FNDC3A: variants seen among roughly 807,000 people sequenced by gnomAD.
FNDC3A encodes fibronectin type III domain containing 3A, also known as fibronectin type-III domain-containing protein 3A.
A neutral mutation model predicts 148.9 loss-of-function variants in FNDC3A; 32 were observed. The ratio of observed to expected loss-of-function variants is 0.21; its 90% confidence interval spans 0.16 to 0.29. FNDC3A has a LOEUF of 0.29. FNDC3A is among the 10% of genes least tolerant of loss of function. The pLI, the probability that FNDC3A is intolerant of heterozygous loss-of-function variation, is 1.00. For synonymous variants in FNDC3A, 472 were observed against 473.6 expected, an observed-to-expected ratio of 1.00 and a Z score of 0.04; for missense variants, 1,191 against 1,452.8, an observed-to-expected ratio of 0.82 and a Z score of 2.93.
At chr13:48,977,890 G>A (rs1445768732) in intron 1 of FNDC3A, among the ~76,000 whole-genome samples, 2 of 151,722 alleles carry the variant, frequency 1.3e-5, no homozygotes, top group East Asian at 1.9e-4. Context: ...AGGTTAACTG[G>A]AAAATTTTTT....
intron 3 of FNDC3A, among the ~76,000 whole-genome samples, chr13:49,089,884 A>C (rs1247604432): frequency 6.6e-6 from 1 of 152,184 alleles, no homozygotes; most frequent in Non-Finnish European, 1.5e-5. Flanking sequence ...TAAGACAAAT[A>C]ATATGAACTT....
At chr13:49,058,870 G>A (rs1265162376) in intron 2 of FNDC3A, among the ~76,000 whole-genome samples, 1 of 152,046 alleles carries the variant, frequency 6.6e-6, no homozygotes, top group African/African-American at 2.4e-5. Context: ...CTTCTAATTG[G>A]TAGCTTTGCT....
intron 3 of FNDC3A, among the ~76,000 whole-genome samples, chr13:49,082,638 G>T (rs1273799073): frequency 6.6e-6 from 1 of 152,002 alleles, no homozygotes; most frequent in Non-Finnish European, 1.5e-5. Flanking sequence ...GTGCACTAGT[G>T]GGAATGGGAG....
intron 3 of FNDC3A, among the ~76,000 whole-genome samples, chr13:49,099,764 T>C (rs754588517): frequency 1.3e-4 from 20 of 152,120 alleles, no homozygotes; most frequent in Admixed American, 1.0e-3. Context: ...TACTTAATAT[T>C]GTAAAAATAT....
At chr13:49,052,793 G>A (rs1397866916) in intron 2 of FNDC3A, among the ~76,000 whole-genome samples, 1 of 152,132 alleles carries the variant, frequency 6.6e-6, no homozygotes, top group African/African-American at 2.4e-5. Context: ...GAGAGATTAC[G>A]ACCATTGTCT....
chr13:49,165,423 C>T (rs1222685991), intron 8 of FNDC3A, among the ~76,000 whole-genome samples: 1 of 152,182 alleles, frequency 6.6e-6, no homozygotes, highest in Non-Finnish European at 1.5e-5. Context: ...CTTTGTATAA[C>T]TTCTGCTATA....
intron 2 of FNDC3A, among the ~76,000 whole-genome samples, chr13:49,010,842 C>T (rs1371911798): frequency 6.6e-6 from 1 of 152,168 alleles, no homozygotes. Flanking sequence ...ATATACTTCA[C>T]TATACAACAA....
intron 2 of FNDC3A, among the ~76,000 whole-genome samples, chr13:49,043,166 G>A (rs1875083863): frequency 6.7e-6 from 1 of 149,290 alleles, no homozygotes; most frequent in Non-Finnish European, 1.5e-5. Context: ...GGGTCTTACT[G>A]TGTTGCTTAG....
At chr13:49,041,227 T>G (rs1395137437) in intron 2 of FNDC3A, among the ~76,000 whole-genome samples, 1 of 152,220 alleles carries the variant, frequency 6.6e-6, no homozygotes, top group Non-Finnish European at 1.5e-5. Flanking sequence ...CTGTGTATGT[T>G]AATTTCTTCT....
chr13:49,101,639 G>A (rs1464859966), intron 3 of FNDC3A, among the ~76,000 whole-genome samples: 1 of 151,936 alleles, frequency 6.6e-6, no homozygotes, highest in African/African-American at 2.4e-5. Flanking sequence ...TTGCCTCATA[G>A]CTGACAATCT....
chr13:49,040,044 C>T (rs931089677), intron 2 of FNDC3A, among the ~76,000 whole-genome samples: 6 of 152,118 alleles, frequency 3.9e-5, no homozygotes, highest in Admixed American at 2.6e-4. Flanking sequence ...GTTTTGTGTA[C>T]ATATTTTCAT....
At chr13:48,981,981 GAC>G (rs1187380426) in intron 1 of FNDC3A, among the ~76,000 whole-genome samples, 2 of 152,094 alleles carry the variant, frequency 1.3e-5, no homozygotes, top group African/African-American at 2.4e-5. Flanking sequence ...TAAACCGACA[GAC>G]ACATAATTTG....
In FNDC3A at chr13:49,020,383, A is replaced by AGTGGATAGCAAGACCAT. The variant is rs1219803769; in HGVS notation, c.99+14095_99+14111dup. On this transcript the variant is annotated intron_variant, in intron 2 of 25. Transcript: ENST00000492622. ...CCCCAGGATTTTCTTTGAAAATGTA[A>AGTGGATAGCAAGACCAT]GTGGATAGCAAGACCATTTACTAAG... Among the ~76,000 whole-genome samples, 6 of 152,364 alleles carry AGTGGATAGCAAGACCAT rather than the reference A, an allele frequency of 3.9e-5. No homozygotes were observed. The East Asian group carries it at 1.2e-3, about 29-fold the overall frequency.
At chr13:49,160,606 T>C (rs1444532523) in intron 8 of FNDC3A, among the ~76,000 whole-genome samples, 1 of 152,044 alleles carries the variant, frequency 6.6e-6, no homozygotes, top group Non-Finnish European at 1.5e-5. Flanking sequence ...GGTTTTTTTG[T>C]GTCTCTATCC....
At chr13:49,126,498 T>C (rs1002040913) in intron 4 of FNDC3A, among the ~76,000 whole-genome samples, 1 of 152,242 alleles carries the variant, frequency 6.6e-6, no homozygotes, top group Non-Finnish European at 1.5e-5. Context: ...TAAATGTTCT[T>C]ACTCATCAGA....
chr13:49,066,979 C>T (rs1405674313), intron 2 of FNDC3A, among the ~76,000 whole-genome samples: 1 of 152,010 alleles, frequency 6.6e-6, no homozygotes, highest in Non-Finnish European at 1.5e-5. Flanking sequence ...TTAATTACCT[C>T]GGAGAAGACT....
chr13:49,113,087 A>C (rs146733242), intron 3 of FNDC3A, among the ~76,000 whole-genome samples: 1 of 111,744 alleles, frequency 8.9e-6, no homozygotes, highest in African/African-American at 3.6e-5. Context: ...ATTTCTCCAC[A>C]TCGTTCCTCC....
At chr13:49,103,285 G>C (rs1419523734) in intron 3 of FNDC3A, among the ~76,000 whole-genome samples, 1 of 152,108 alleles carries the variant, frequency 6.6e-6, no homozygotes, top group Non-Finnish European at 1.5e-5. Flanking sequence ...ATAATAAAAT[G>C]AATGATAAAA....
chr13:49,195,508 T>C (rs953339842), intron 19 of FNDC3A, among the ~76,000 whole-genome samples: 2 of 152,200 alleles, frequency 1.3e-5, no homozygotes, highest in Non-Finnish European at 2.9e-5. Flanking sequence ...TAAAGTATTA[T>C]ACTGTTATTT....
Sources: allele counts gnomAD v4.1 joint callset (sites outside exome capture counted in the v4.1 genomes callset), GRCh38; gene constraint gnomAD v4.1.1; transcripts MANE v1.5; gene names NCBI Gene and HGNC (gene_info 2026-07-23, HGNC 2026-07-21).